The following COG4 variants were observed in gnomAD, a reference collection of about 807,000 sequenced individuals.
COG4 encodes conserved oligomeric Golgi complex subunit 4.
In COG4, 65 loss-of-function variants were observed where a neutral mutation model predicts 95.1. The observed-to-expected ratio is 0.68, with a 90% CI of 0.56 to 0.84. The LOEUF is 0.84. COG4 is among the 40% of genes least tolerant of loss of function. The pLI, the probability that COG4 is intolerant of heterozygous loss-of-function variation, is 0.00. For missense variants in COG4, 1,045 were observed against 989.1 expected, an observed-to-expected ratio of 1.06 and a Z score of -0.76; for synonymous variants, 421 against 374.8, an observed-to-expected ratio of 1.12 and a Z score of -1.42.
intron 8 of COG4, among the ~76,000 whole-genome samples, chr16:70,502,412 C>A (rs543701869): frequency 6.6e-6 from 1 of 150,416 alleles, no homozygotes; most frequent in Non-Finnish European, 1.5e-5. Context: ...CTAACCTAAC[C>A]AAAACATGGA....
At chr16:70,498,081 C>T in intron 9 of COG4, 26 bp from the exon 10 acceptor site, 1 of 1,485,098 alleles carries the variant, frequency 6.7e-7, no homozygotes, top group African/African-American at 1.4e-5. Flanking sequence ...GAAAGGAATA[C>T]TCATTTTTTT....
At chr16:70,492,857 G>C (rs771580397) in intron 12 of COG4, among the ~76,000 whole-genome samples, 4 of 151,872 alleles carry the variant, frequency 2.6e-5, no homozygotes, top group Non-Finnish European at 4.4e-5. Context: ...CAGCTACTTG[G>C]GGGGCTGAGG....
At chr16:70,509,138 T>G in intron 7 of COG4, 93 bp downstream of exon 7, 1 of 1,525,764 alleles carries the variant, frequency 6.6e-7, no homozygotes, top group South Asian at 1.1e-5. Context: ...GTCTGCACCT[T>G]TTTTTTCACT....
chr16:70,518,437 C>T (rs1220041395), intron 2 of COG4, among the ~76,000 whole-genome samples: 3 of 152,100 alleles, frequency 2.0e-5, no homozygotes, highest in Admixed American at 1.3e-4. Context: ...TAGCTCACTG[C>T]AGTTTCCAAC....
chr16:70,483,071 C>G (rs1276122389), intron 14 of COG4, among the ~76,000 whole-genome samples: 1 of 98,544 alleles, frequency 1.0e-5, no homozygotes, highest in Non-Finnish European at 2.0e-5. Flanking sequence ...CTCTCTTCTC[C>G]CCACCCCATC....
At chr16:70,486,248 A>AG (rs1477445993) in intron 13 of COG4, among the ~76,000 whole-genome samples, 1 of 152,162 alleles carries the variant, frequency 6.6e-6, no homozygotes, top group Non-Finnish European at 1.5e-5. Context: ...AGACCTCTCC[A>AG]GGGGGAACTG....
Position 70,517,649 on chromosome 16 carries a change from C to CTT in COG4, c.344_345dup (p.Val116LysfsTer25). 6.9e-7 allele frequency: 1 copy of CTT among 1,446,224 alleles called. No homozygotes were observed. Among genetic ancestry groups the CTT allele is most frequent in the Non-Finnish European group, 9.5e-7 (1 of 1,049,584 alleles). The allele number at this position is 1,446,224 out of a possible 1,614,324, so 89.6% of individuals were successfully genotyped here. On this transcript the variant is annotated frameshift_variant, in exon 3 of 19. Transcript: ENST00000323786. LOFTEE classifies it high-confidence loss of function. The stretch of plus-strand genomic sequence containing the variant: ...ACCTTGGCCAGGTCAAGCTGACGAA[C>CTT]TTTGCTGGACACATTCTCAGCCAGG...
rs769280804 is a variant in COG4 at position 70,483,844 on chromosome 16, G to A, written c.1827+9C>T. On this transcript the variant is annotated intron_variant, in intron 14 of 18. Coordinates refer to ENST00000323786, the MANE Select transcript of COG4 (RefSeq NM_015386.3). ...CAGGATTCAGTCAGCAGTTGAACCTGGGGCTTACCTGCAAGAGGTCTCGGA... is the reference window on the plus strand; with the variant it reads ...CAGGATTCAGTCAGCAGTTGAACCTAGGGCTTACCTGCAAGAGGTCTCGGA... 1.3e-6 allele frequency: 2 copies of A among 1,596,170 alleles called. No homozygotes were observed. Among genetic ancestry groups the A allele is most frequent in the African/African-American group, 2.7e-5 (2 of 74,748 alleles).
chr16:70,497,143 A>C, intron 11 of COG4, 78 bp downstream of exon 11: 1 of 1,361,574 alleles, frequency 7.3e-7, no homozygotes, highest in Non-Finnish European at 1.0e-6. Flanking sequence ...ATGAGGACAA[A>C]GGGCAGAAAC....
intron 13 of COG4, among the ~76,000 whole-genome samples, chr16:70,487,597 A>G (rs995572633): frequency 5.3e-5 from 8 of 152,058 alleles, no homozygotes; most frequent in Non-Finnish European, 1.2e-4. Context: ...AAAACCAACA[A>G]TGATGACAGC....
chr16:70,523,323 T>G lies in COG4; in HGVS notation c.171+50A>C, dbSNP rs756020339. 7 of 1,608,108 alleles carry G rather than the reference T, an allele frequency of 4.4e-6. No individual in the cohort carries two copies. In the South Asian group the frequency reaches 7.7e-5, roughly 18 times the overall value. On this transcript the variant is annotated intron_variant, in intron 1 of 18. Coordinates refer to ENST00000323786, the MANE Select transcript of COG4 (RefSeq NM_015386.3). ...CAGCCCGGATTTCCCGACTGAAGGC[T>G]CCCACTCTCCCTAGATCCTCCATGA...
intron 18 of COG4, 39 bp downstream of exon 18, chr16:70,481,320 G>C: frequency 6.2e-7 from 1 of 1,609,950 alleles, no homozygotes; most frequent in Non-Finnish European, 8.5e-7. Context: ...GCCTCTTTCA[G>C]TCACCCCTCC....
chr16:70,519,617 A>T, intron 2 of COG4, 32 bp downstream of exon 2: 1 of 1,534,260 alleles, frequency 6.5e-7, no homozygotes, highest in Non-Finnish European at 9.0e-7. Flanking sequence ...GTTGGAATTT[A>T]CATTAGCTCT....
At chr16:70,501,549 T>C (rs1464520959) in intron 8 of COG4, 4 of 203,484 alleles carry the variant, frequency 2.0e-5, no homozygotes, top group Non-Finnish European at 4.0e-5. Flanking sequence ...AGAGACGGGG[T>C]TTCACTGTAT....
At position 70,480,994 on chromosome 16, in the gene COG4, G is replaced by T; in HGVS notation, c.*16C>A. On this transcript the variant is annotated 3_prime_UTR_variant, in exon 19 of 19. Transcript: ENST00000323786. ...GGCCTGCAAGTGTGATGAGCCAGGT[G>T]TGCTCATCCAGGCAGCTACAGGCGC... 17 of 1,611,374 alleles carry T rather than the reference G, an allele frequency of 1.1e-5. No individual in the cohort carries two copies. The highest frequency in any genetic ancestry group is 1.4e-5 in the Non-Finnish European group (17 of 1,179,828).
chr16:70,485,791 G>C (rs983239948), intron 13 of COG4, among the ~76,000 whole-genome samples: 4 of 151,728 alleles, frequency 2.6e-5, no homozygotes, highest in East Asian at 1.9e-4. Flanking sequence ...CACCATGTTG[G>C]CCAGGCTGGT....
At chr16:70,490,206 G>T in intron 13 of COG4, 124 bp downstream of exon 13, 1 of 819,408 alleles carries the variant, frequency 1.2e-6, no homozygotes, top group Non-Finnish European at 2.1e-6. Context: ...AGTCACCAAA[G>T]AATCCCCTCA....
intron 2 of COG4, among the ~76,000 whole-genome samples, chr16:70,518,690 G>T (rs1261126701): frequency 1.3e-5 from 2 of 151,974 alleles, no homozygotes; most frequent in Admixed American, 6.6e-5. Flanking sequence ...AAAAATGGTG[G>T]TTCTCGGCCG....
At chr16:70,504,926 A>T (rs2049530150) in intron 8 of COG4, among the ~76,000 whole-genome samples, 2 of 147,830 alleles carry the variant, frequency 1.4e-5, no homozygotes, top group South Asian at 4.4e-4. Context: ...AAAAAAAAAA[A>T]TCCAGTCAAA....
Sources: allele counts gnomAD v4.1 joint callset (sites outside exome capture counted in the v4.1 genomes callset), GRCh38; gene constraint gnomAD v4.1.1; transcripts MANE v1.5; gene names NCBI Gene and HGNC (gene_info 2026-07-23, HGNC 2026-07-21).